The following MYH2 variants were observed in gnomAD, a reference collection of about 807,000 sequenced individuals.
MYH2 encodes myosin-2.
A neutral mutation model predicts 228.1 loss-of-function variants in MYH2; 139 were observed. That is an observed-to-expected ratio of 0.61 (90% CI 0.53 to 0.70). MYH2 has a LOEUF of 0.70. Among genes scored for constraint, MYH2 ranks in the 30% least tolerant of loss-of-function variants. The pLI, the probability that MYH2 is intolerant of heterozygous loss-of-function variation, is 0.00. For missense variants in MYH2, 1,809 were observed against 2,357.5 expected (o/e 0.77, Z 4.82); for synonymous variants, 796 against 871.1 (o/e 0.91, Z 1.52).
chr17:10,531,383 T>C (rs2073422192), intron 22 of MYH2, among the ~76,000 whole-genome samples: 1 of 152,208 alleles, frequency 6.6e-6, no homozygotes, highest in African/African-American at 2.4e-5. Context: ...AAGTCAAAAA[T>C]CTTGTGGTTT....
Position 10,525,626 on chromosome 17 carries a change from CA to C in MYH2, c.4372-11del, listed in dbSNP as rs2073341840. ...TCCATTCTGCCAGGATCTGAAAAAC[CA>C]AGACCTGTTACCTGCTGCAAAGACA... On this transcript the variant is annotated splice_polypyrimidine_tract_variant and intron_variant, in intron 31 of 39. Transcript: ENST00000245503. This position sits in a 1 kb window ranked among gnomAD's most constrained non-coding sequence, Gnocchi z 4.2. 1 of 1,614,102 alleles carries C rather than the reference CA, an allele frequency of 6.2e-7. No homozygotes were observed. Among genetic ancestry groups the C allele is most frequent in the Admixed American group, 1.7e-5 (1 of 60,014 alleles).
Position 10,540,664 on chromosome 17 carries a change from T to A in MYH2, c.938A>T (p.Tyr313Phe). 1.9e-6 allele frequency: 3 copies of A among 1,613,284 alleles called. No individual in the cohort carries two copies. Among genetic ancestry groups the A allele is most frequent in the Non-Finnish European group, 2.5e-6 (3 of 1,179,252 alleles). Residue 313 changes from tyrosine (Y) to phenylalanine (F), a missense_variant, in exon 11 of 40, where the codon TAC (tyrosine) becomes TTC (phenylalanine). Coordinates refer to ENST00000245503, the MANE Select transcript of MYH2 (RefSeq NM_017534.6). ...GATCTCCCCTTGACTGACAAATGGG[T>A]AATCATATGGGTTCGTGGTAATCAG... ...MLLITTNPYD[Y>F]PFVSQGEISV...
At position 10,537,874 on chromosome 17, in the gene MYH2, T is replaced by G; in HGVS notation, c.1417-39A>C. On this transcript the variant is annotated intron_variant, in intron 14 of 39. Coordinates refer to ENST00000245503, the MANE Select transcript of MYH2 (RefSeq NM_017534.6). The surrounding 1 kb of genome is among the most constrained non-coding windows in gnomAD (Gnocchi z 4.0). Reference sequence around the variant, plus strand: ...TATGTTTACTTCTCTCTTAAGCAAATTGAGTATTTTTTAAAATACAGAACT... The same window carrying G: ...TATGTTTACTTCTCTCTTAAGCAAAGTGAGTATTTTTTAAAATACAGAACT... 1.2e-6 allele frequency: 2 copies of G among 1,614,104 alleles called. No homozygotes were observed. The highest frequency in any genetic ancestry group is 1.7e-6 in the Non-Finnish European group (2 of 1,179,982).
rs367640819 is a variant in MYH2 at position 10,547,830 on chromosome 17, G to A, written c.91C>T (p.Pro31Ser). 5.6e-6 allele frequency: 9 copies of A among 1,614,056 alleles called. No individual in the cohort carries two copies. The Middle Eastern group carries it at 4.9e-4, about 88-fold the overall frequency. Residue 31 changes from proline to serine, a missense_variant, in exon 3 of 40, where the codon CCC (proline) becomes TCC (serine). Coordinates refer to ENST00000245503, the MANE Select transcript of MYH2 (RefSeq NM_017534.6). ...ERERIEAQNR[P>S]FDAKTSVFVA... ...AAGACAGATGTTTTGGCATCAAAGG[G>A]CCTATTCTGGGCCTCAATGCGCTCC...
Position 10,525,976 on chromosome 17 carries a change from C to T in MYH2, c.4188-100G>A. The T allele has an allele frequency of 1.5e-6, 2 of 1,306,254 alleles. No individual in the cohort carries two copies. The highest frequency in any genetic ancestry group is 2.1e-6 in the Non-Finnish European group (2 of 934,200). 80.9% of individuals were successfully genotyped at this position (1,306,254 alleles called of 1,614,324 possible). ...GAGTGTTAGAAACTTCACATTAATG[C>T]TGCCCAGCCACCTTTCATTCTTTCA... On this transcript the variant is annotated intron_variant, in intron 30 of 39. Transcript: ENST00000245503. This position sits in a 1 kb window ranked among gnomAD's most constrained non-coding sequence, Gnocchi z 4.2.
Position 10,547,498 on chromosome 17 carries a change from G to T in MYH2, c.325C>A (p.Arg109Ser). The change falls in exon 4 of 40, where the codon CGT becomes AGT. Residue 109 changes from arginine to serine, a missense_variant. By Grantham distance (110) the Arg-to-Ser change is moderately radical. Transcript: ENST00000245503. ...EPAVLYNLKE[R>S]YAAWMIYTYS... ...ACGTAGATCATCCAGGCTGCATAAC[G>T]TTCTTTGAGGTTGTACAGCACAGCA... 1 of 1,614,084 alleles carries T rather than the reference G, an allele frequency of 6.2e-7. No individual in the cohort carries two copies. The highest frequency in any genetic ancestry group is 8.5e-7 in the Non-Finnish European group (1 of 1,180,006).
In MYH2 at chr17:10,549,395, T is replaced by C. The variant is rs992463109; in HGVS notation, c.-41A>G. The C allele has an allele frequency of 1.3e-5, 2 of 152,686 alleles. No homozygotes were observed. Among genetic ancestry groups the C allele is most frequent in the East Asian group, 3.8e-4 (2 of 5,204 alleles). 9.5% of individuals were successfully genotyped at this position (152,686 alleles called of 1,614,324 possible). ...CTTACCTTGTTAGCAAGTGAGAAGA[T>C]GTAGCCTGGGAGTGAGACAGTTCTA... On this transcript the variant is annotated 5_prime_UTR_variant, in exon 2 of 40. Transcript: ENST00000245503.
At position 10,537,233 on chromosome 17, in the gene MYH2, C is replaced by G; in HGVS notation, c.1897G>C (p.Glu633Gln). ...AGTATTATTAACATTTGAGCATTAC[C>G]TCCTTCAGCAGTTTGAGCCCCAGAG... ...LFSGAQTAEG[E>Q]GAGGGAKKGG... The change falls in exon 16 of 40, where the codon GAG becomes CAG. Residue 633 changes from glutamate to glutamine, a missense_variant and splice_region_variant. By Grantham distance (29) the Glu-to-Gln change is conservative. Coordinates refer to ENST00000245503, the MANE Select transcript of MYH2 (RefSeq NM_017534.6). This position sits in a 1 kb window ranked among gnomAD's most constrained non-coding sequence, Gnocchi z 4.0. 1.2e-6 allele frequency: 2 copies of G among 1,614,198 alleles called. No individual in the cohort carries two copies. Among genetic ancestry groups the G allele is most frequent in the South Asian group, 1.1e-5 (1 of 91,086 alleles).
intron 21 of MYH2, 132 bp from the exon 22 acceptor site, chr17:10,532,020 T>G (rs1215181533): frequency 1.7e-6 from 2 of 1,151,736 alleles, no homozygotes; most frequent in Non-Finnish European, 2.6e-6. Flanking sequence ...AAAAATTCTA[T>G]TTCGGGATGA....
At position 10,537,298 on chromosome 17, in the gene MYH2, A is replaced by G; in HGVS notation, c.1832T>C (p.Leu611Pro). 1 of 1,614,228 alleles carries G rather than the reference A, an allele frequency of 6.2e-7. No homozygotes were observed. Among genetic ancestry groups the G allele is most frequent in the Non-Finnish European group, 8.5e-7 (1 of 1,180,038 alleles). The change falls in exon 16 of 40, where the codon CTG (leucine) becomes CCG (proline). Residue 611 changes from leucine to proline, a missense_variant. By Grantham distance (98) the Leu-to-Pro change is moderately conservative. Coordinates refer to ENST00000245503, the MANE Select transcript of MYH2 (RefSeq NM_017534.6). The surrounding 1 kb of genome is among the most constrained non-coding windows in gnomAD (Gnocchi z 4.0). ...AGTTTTCATTGCAGACTTCTGGTAC[A>G]GTCCAACCACGGTCTCATTCAGGGG... is the stretch of plus-strand genomic sequence containing the variant. ...KDPLNETVVG[L>P]YQKSAMKTLA...
At chr17:10,543,388 T>C (rs1383962464) in intron 8 of MYH2, among the ~76,000 whole-genome samples, 1 of 152,222 alleles carries the variant, frequency 6.6e-6, no homozygotes, top group Non-Finnish European at 1.5e-5. Context: ...TTAATTAGCA[T>C]GTTAATCATT....
In MYH2 at chr17:10,525,269, C is replaced by T; in HGVS notation, c.4617G>A (p.Val1539=). The T allele has an allele frequency of 6.2e-7, 1 of 1,614,062 alleles. No homozygotes were observed. The highest frequency in any genetic ancestry group is 8.5e-7 in the Non-Finnish European group (1 of 1,180,006). Residue 1539 remains valine (V), a synonymous_variant, in exon 33 of 40, where the codon GTG becomes GTA. Coordinates refer to ENST00000245503, the MANE Select transcript of MYH2 (RefSeq NM_017534.6). The surrounding 1 kb of genome is among the most constrained non-coding windows in gnomAD (Gnocchi z 4.2). The part of the protein sequence containing the change: ...IHELEKIKKQ[V]EQEKCELQAA... ...CCTGAAGTTCACACTTTTCTTGTTC[C>T]ACTTGTTTCTTTATTTTCTCCAGTT...
intron 35 of MYH2, 33 bp from the exon 36 acceptor site, chr17:10,523,917 T>G (rs1412400396): frequency 1.2e-6 from 2 of 1,604,438 alleles, no homozygotes; most frequent in African/African-American, 1.3e-5. Flanking sequence ...TTTAAAAAAT[T>G]GTGTTACCAA....
chr17:10,527,136 T>C (rs2073365933), intron 28 of MYH2, 80 bp from the exon 29 acceptor site: 6 of 1,316,812 alleles, frequency 4.6e-6, no homozygotes, highest in South Asian at 1.2e-5. Flanking sequence ...AAATTTTGAC[T>C]CTTATTTTCC....
In MYH2 at chr17:10,523,176, C is replaced by T; in HGVS notation, c.5587G>A (p.Asp1863Asn). The change falls in exon 39 of 40, where the codon GAT becomes AAT. Residue 1863 changes from aspartate to asparagine, a missense_variant. Coordinates refer to ENST00000245503, the MANE Select transcript of MYH2 (RefSeq NM_017534.6). Reference sequence around the variant, plus strand: ...TGAAGCCTGAGAATATTCTTTCTATCTTCTTCCGTCTGAAAGATTATAAAA... The same window carrying T: ...TGAAGCCTGAGAATATTCTTTCTATTTTCTTCCGTCTGAAAGATTATAAAA... The part of the protein sequence containing the change: ...VKELTYQTEE[D>N]RKNILRLQDL... The T allele has an allele frequency of 6.2e-7, 1 of 1,613,500 alleles. No homozygotes were observed. The highest frequency in any genetic ancestry group is 8.5e-7 in the Non-Finnish European group (1 of 1,179,422).
chr17:10,527,609 A>G (rs2073370157), intron 28 of MYH2, 139 bp downstream of exon 28: 1 of 1,322,584 alleles, frequency 7.6e-7, no homozygotes, highest in Non-Finnish European at 1.1e-6. Flanking sequence ...GACCTTGCAC[A>G]TAGGTCAGGT....
chr17:10,521,940 C>A (rs1265920509), intron 39 of MYH2, among the ~76,000 whole-genome samples: 2 of 152,140 alleles, frequency 1.3e-5, no homozygotes, highest in Non-Finnish European at 2.9e-5. Flanking sequence ...ATTAGGTAAT[C>A]TTTACATTGT....
intron 11 of MYH2, among the ~76,000 whole-genome samples, chr17:10,540,358 G>C (rs1038089404): frequency 2.1e-4 from 3 of 14,022 alleles, no homozygotes; most frequent in Admixed American, 7.3e-4. Context: ...CAAGTCAATT[G>C]CAAAAAAAAA....
Position 10,537,814 on chromosome 17 carries a change from A to G in MYH2, c.1438T>C (p.Cys480Arg). 1 of 1,614,212 alleles carries G rather than the reference A, an allele frequency of 6.2e-7. No homozygotes were observed. The highest frequency in any genetic ancestry group is 8.5e-7 in the Non-Finnish European group (1 of 1,180,040). The stretch of plus-strand genomic sequence containing the variant: ...AGTTTCTCATTGGTGAAGTTGATGC[A>G]CAGCTGCTCCAGGCTGTTGAACTAA... Reference protein sequence around the residue: ...IFDFNSLEQLCINFTNEKLQQ... With the variant: ...IFDFNSLEQLRINFTNEKLQQ... The change falls in exon 15 of 40, where the codon TGC becomes CGC. Residue 480 changes from cysteine (C) to arginine (R), a missense_variant. Around this residue, in one of 9 missense-constraint regions of MYH2, gnomAD observed 373 missense variants for 620.4 expected, o/e 0.60. Coordinates refer to ENST00000245503, the MANE Select transcript of MYH2 (RefSeq NM_017534.6). This position sits in a 1 kb window ranked among gnomAD's most constrained non-coding sequence, Gnocchi z 4.0.
Sources: allele counts gnomAD v4.1 joint callset (sites outside exome capture counted in the v4.1 genomes callset), GRCh38; gene constraint gnomAD v4.1.1; regional missense constraint gnomAD v4.1.1; non-coding constraint Gnocchi (gnomAD v3.1); transcripts MANE v1.5; gene names NCBI Gene and HGNC (gene_info 2026-07-23, HGNC 2026-07-21).